Variants in XKR9 observed in about 807,000 individuals in gnomAD.
XKR9 encodes XK-related protein 9.
In XKR9, 32 loss-of-function variants were observed where a neutral mutation model predicts 32.0. That is an observed-to-expected ratio of 1.00 (90% CI 0.76 to 1.34). The LOEUF is 1.34. Among genes scored for constraint, XKR9 ranks in the 40% most tolerant of loss-of-function variants. The pLI is 0.00. For missense variants in XKR9, 546 were observed against 429.7 expected (o/e 1.27, Z -2.39); for synonymous variants, 168 against 143.4 (o/e 1.17, Z -1.22).
the XKR9 span, among the ~76,000 whole-genome samples, chr8:70,941,959 A>G: frequency 6.6e-6 from 1 of 152,152 alleles, no homozygotes; most frequent in Non-Finnish European, 1.5e-5. Context: ...TGGAAATAAC[A>G]ATCTACATCT....
the XKR9 span, among the ~76,000 whole-genome samples, chr8:70,854,637 A>G: frequency 6.6e-6 from 1 of 152,118 alleles, no homozygotes; most frequent in Admixed American, 6.5e-5. Flanking sequence ...GTTTTCTTCT[A>G]GGGTTTTTAT....
At chr8:70,949,380 C>T in the XKR9 span, among the ~76,000 whole-genome samples, 1 of 151,142 alleles carries the variant, frequency 6.6e-6, no homozygotes. Context: ...ATTTAAAACA[C>T]CTCAAAGTTA....
At chr8:70,733,353 G>A (rs1347240482) in intron 4 of XKR9, among the ~76,000 whole-genome samples, 2 of 151,616 alleles carry the variant, frequency 1.3e-5, no homozygotes, top group African/African-American at 2.4e-5. Flanking sequence ...CCTGCTTGAA[G>A]CTATTATCTC....
the XKR9 span, among the ~76,000 whole-genome samples, chr8:70,912,067 G>A: frequency 2.4e-3 from 364 of 152,246 alleles, no homozygotes; most frequent in African/African-American, 8.5e-3. Flanking sequence ...AGCAGTATTT[G>A]GCAAAAGTAT....
chr8:70,717,685 T>C (rs764797148), intron 4 of XKR9, among the ~76,000 whole-genome samples: 4 of 152,116 alleles, frequency 2.6e-5, no homozygotes, highest in Non-Finnish European at 5.9e-5. Context: ...GCAGTAAAGG[T>C]CTCTGGAATG....
chr8:70,707,095 A>T lies in XKR9; in HGVS notation c.435A>T (p.Pro145=), dbSNP rs1231677427. ...TTGAGACCTACCTGGAAGGCTGCCC[A>T]CAACTTATTCTTCAACTCTACATTC... is the stretch of plus-strand genomic sequence containing the variant. ...RLFETYLEGC[P]QLILQLYILL... is the part of the protein sequence containing the mutation. The change falls in exon 4 of 5, where the codon CCA becomes CCT. Residue 145 remains proline, a synonymous_variant. Transcript: ENST00000408926. 1 of 1,613,464 alleles carries T rather than the reference A, an allele frequency of 6.2e-7. No homozygotes were observed. The highest frequency in any genetic ancestry group is 2.2e-5 in the East Asian group (1 of 44,830).
chr8:70,987,801 C>T, the XKR9 span, among the ~76,000 whole-genome samples: 8 of 152,200 alleles, frequency 5.3e-5, no homozygotes, highest in African/African-American at 1.9e-4. Context: ...CAGAAGCTCT[C>T]CATGAGGACC....
At chr8:70,954,113 T>A in the XKR9 span, among the ~76,000 whole-genome samples, 1 of 152,154 alleles carries the variant, frequency 6.6e-6, no homozygotes, top group African/African-American at 2.4e-5. Context: ...TCACAGACCT[T>A]TCCATACTTT....
chr8:70,681,434 T>C, intron 3 of XKR9, 104 bp downstream of exon 3: 1 of 1,107,552 alleles, frequency 9.0e-7, no homozygotes, highest in Non-Finnish European at 1.3e-6. Flanking sequence ...ATCCCTTATT[T>C]GCATGAAGCA....
the XKR9 span, among the ~76,000 whole-genome samples, chr8:70,925,891 A>G: frequency 1.3e-5 from 2 of 152,196 alleles, no homozygotes; most frequent in South Asian, 2.1e-4. Context: ...ACTAAGTGAC[A>G]AATGAATGAG....
At chr8:70,976,426 AG>A in the XKR9 span, among the ~76,000 whole-genome samples, 2 of 152,186 alleles carry the variant, frequency 1.3e-5, no homozygotes, top group Non-Finnish European at 2.9e-5. Context: ...TTTAGCATGA[AG>A]GGCTGTTGAA....
chr8:71,058,522 A>G, the XKR9 span, among the ~76,000 whole-genome samples: 1 of 152,212 alleles, frequency 6.6e-6, no homozygotes, highest in Non-Finnish European at 1.5e-5. Flanking sequence ...TCATCAATTG[A>G]CAGAGAGTGG....
chr8:70,765,685 C>T (rs186873819), intron 2 of XKR9, among the ~76,000 whole-genome samples: 28 of 152,274 alleles, frequency 1.8e-4, no homozygotes, highest in African/African-American at 6.7e-4. Flanking sequence ...TTGCCTATGC[C>T]TATGTCCTGA....
chr8:70,876,739 T>A, the XKR9 span, among the ~76,000 whole-genome samples: 1 of 152,136 alleles, frequency 6.6e-6, no homozygotes, highest in African/African-American at 2.4e-5. Context: ...TCAGAAACCC[T>A]GAGTTTCTGA....
chr8:70,705,733 A>G (rs1379261175), intron 3 of XKR9, among the ~76,000 whole-genome samples: 1 of 152,174 alleles, frequency 6.6e-6, no homozygotes, highest in Non-Finnish European at 1.5e-5. Flanking sequence ...TTTCTACCCC[A>G]ATGAGTAGTG....
intron 3 of XKR9, 135 bp downstream of exon 3, chr8:70,681,465 C>T: frequency 9.3e-7 from 1 of 1,073,350 alleles, no homozygotes. Context: ...TTGCTCCTCA[C>T]TATTGTGCTA....
At chr8:70,976,694 C>T in the XKR9 span, among the ~76,000 whole-genome samples, 5 of 152,018 alleles carry the variant, frequency 3.3e-5, no homozygotes, top group African/African-American at 1.2e-4. Flanking sequence ...TTTGTTATGT[C>T]TTTGCTAAGC....
the XKR9 span, among the ~76,000 whole-genome samples, chr8:71,017,027 T>C: frequency 2.0e-5 from 3 of 152,218 alleles, no homozygotes; most frequent in African/African-American, 7.2e-5. Flanking sequence ...TTAATAACTA[T>C]GTAAGTTAAG....
At chr8:70,844,665 C>T in the XKR9 span, among the ~76,000 whole-genome samples, 5 of 152,186 alleles carry the variant, frequency 3.3e-5, no homozygotes, top group Admixed American at 2.0e-4. Flanking sequence ...TGGGGATTGC[C>T]CCATCCTGTT....
Sources: gnomAD v4.1 joint callset for allele counts (sites outside exome capture counted in the v4.1 genomes callset) on GRCh38, gnomAD v4.1.1 for gene constraint, MANE v1.5 for transcripts, NCBI Gene and HGNC (gene_info 2026-07-23, HGNC 2026-07-21) for gene names.